The following THNSL1 variants were observed in gnomAD, a reference collection of about 807,000 sequenced individuals.
THNSL1 encodes threonine synthase like 1.
THNSL1 carries 48 observed loss-of-function variants against 50.4 expected under a neutral mutation model. The ratio of observed to expected loss-of-function variants is 0.95; its 90% CI spans 0.76 to 1.21. The LOEUF (loss-of-function observed/expected upper bound fraction) is 1.21, where lower values mean the gene tolerates loss of function less well. THNSL1 is among the 50% of genes most tolerant of loss of function. The pLI is 0.00. For missense variants in THNSL1, 896 were observed against 871.7 expected, an observed-to-expected ratio of 1.03 and a Z score of -0.35; for synonymous variants, 309 against 306.1, an observed-to-expected ratio of 1.01 and a Z score of -0.10.
the THNSL1 span, among the ~76,000 whole-genome samples, chr10:25,005,643 A>G: frequency 6.6e-6 from 1 of 152,240 alleles, no homozygotes; most frequent in East Asian, 1.9e-4. Context: ...GTACACAGAT[A>G]TCCCTTAAGT....
Position 25,023,206 on chromosome 10 carries a change from C to T in THNSL1, c.-18C>T. On this transcript the variant is annotated 5_prime_UTR_variant, in exon 3 of 3. Transcript: ENST00000376356. ...AAGCCAATTTTTAGGTTGGCTTGGG[C>T]AGAAAAGTGAAAAGAGAATGCTCCA... The T allele has an allele frequency of 1.9e-6, 3 of 1,591,054 alleles. No individual in the cohort carries two copies. The highest frequency in any genetic ancestry group is 8.6e-7 in the Non-Finnish European group (1 of 1,168,760).
chr10:25,023,946 C>T lies in THNSL1; in HGVS notation c.723C>T (p.Asp241=). ...CAACAAGACACGTTTGGCCTGAAGA[C>T]TGTGAACAGAAGGTTTCAGCAAAAT... ...FISTRHVWPE[D]CEQKVSAKFF... Residue 241 remains aspartate, a synonymous_variant, in exon 3 of 3, where the codon GAC becomes GAT. Transcript: ENST00000376356. The T allele has an allele frequency of 1.9e-6, 3 of 1,614,206 alleles. No individual in the cohort carries two copies. Among genetic ancestry groups the T allele is most frequent in the Non-Finnish European group, 2.5e-6 (3 of 1,180,020 alleles).
In THNSL1 at chr10:25,021,885, C is replaced by T. The variant is rs1176802172; in HGVS notation, c.-72C>T. 3 of 152,148 alleles carry T rather than the reference C, an allele frequency of 2.0e-5. No homozygotes were observed. Among genetic ancestry groups the T allele is most frequent in the Non-Finnish European group, 4.4e-5 (3 of 68,018 alleles). The allele number at this position is 152,148 out of a possible 1,614,324, so 9.4% of individuals were successfully genotyped here. ...AGTCAAATAAGGAAATGAATTACCT[C>T]CCTTGACGGCTCTAATTTTACTTGT... is the stretch of plus-strand genomic sequence containing the variant. On this transcript the variant is annotated 5_prime_UTR_variant, in exon 2 of 3. Transcript: ENST00000376356.
chr10:25,019,681 C>G (rs1455828415), intron 1 of THNSL1, among the ~76,000 whole-genome samples: 2 of 152,182 alleles, frequency 1.3e-5, no homozygotes, highest in Non-Finnish European at 2.9e-5. Flanking sequence ...GCAGATTTTT[C>G]TCACTCTAAA....
At chr10:24,955,579 G>A in the THNSL1 span, among the ~76,000 whole-genome samples, 9 of 152,174 alleles carry the variant, frequency 5.9e-5, no homozygotes, top group African/African-American at 2.4e-5. Flanking sequence ...TTATTAACCT[G>A]ACATGCTGTA....
the THNSL1 span, among the ~76,000 whole-genome samples, chr10:24,986,497 C>T: frequency 6.6e-6 from 1 of 152,222 alleles, no homozygotes; most frequent in Non-Finnish European, 1.5e-5. Flanking sequence ...TTCTATTTCT[C>T]CACAGCCTTT....
At chr10:25,000,479 G>A in the THNSL1 span, among the ~76,000 whole-genome samples, 1 of 152,048 alleles carries the variant, frequency 6.6e-6, no homozygotes, top group African/African-American at 2.4e-5. Flanking sequence ...TTTGCTTTAT[G>A]TATTTTGAAA....
rs746597463 is a variant in THNSL1 at position 25,026,483 on chromosome 10, A to G, written c.*1028A>G. The G allele has an allele frequency of 1.4e-4, 23 of 167,106 alleles. No individual in the cohort carries two copies. Among genetic ancestry groups the G allele is most frequent in the Non-Finnish European group, 3.1e-4 (21 of 68,134 alleles). 10.4% of individuals were successfully genotyped at this position (167,106 alleles called of 1,614,324 possible). A position where few individuals can be genotyped will look rare whatever the true frequency, so the allele number is the denominator to read the frequency against. On this transcript the variant is annotated 3_prime_UTR_variant, in exon 3 of 3. Coordinates refer to ENST00000376356, the MANE Select transcript of THNSL1 (RefSeq NM_024838.5). ...AGTTTCCCTATATTATTTGGAGTCAATTCTTACGTAATTTGTTGTTTATTT... is the reference window on the plus strand; with the variant it reads ...AGTTTCCCTATATTATTTGGAGTCAGTTCTTACGTAATTTGTTGTTTATTT...
chr10:25,006,299 C>T, the THNSL1 span, among the ~76,000 whole-genome samples: 5 of 152,006 alleles, frequency 3.3e-5, no homozygotes, highest in African/African-American at 4.8e-5. Flanking sequence ...TGTAGAAGTG[C>T]GGCTGAAATC....
chr10:24,984,355 G>A, the THNSL1 span: 5 of 1,532,126 alleles, frequency 3.3e-6, no homozygotes, highest in Admixed American at 5.4e-5. Context: ...AGTTTTCAAA[G>A]TTGTGCTGTT....
upstream of THNSL1, among the ~76,000 whole-genome samples, chr10:25,014,594 ACT>A (rs1271891344): frequency 5.9e-5 from 9 of 152,140 alleles, no homozygotes; most frequent in Admixed American, 2.0e-4. Flanking sequence ...TAATAAAATA[ACT>A]CTCAAATTCA....
Position 25,023,615 on chromosome 10 carries a change from T to A in THNSL1, c.392T>A (p.Leu131His). The A allele has an allele frequency of 6.2e-7, 1 of 1,614,172 alleles. No individual in the cohort carries two copies. The highest frequency in any genetic ancestry group is 8.5e-7 in the Non-Finnish European group (1 of 1,180,018). The change falls in exon 3 of 3, where the codon CTT (leucine) becomes CAT (histidine). Residue 131 changes from leucine (L) to histidine (H), a missense_variant. Transcript: ENST00000376356. Reference sequence around the variant, plus strand: ...TCTGCATCTGGAAGTGTGATTTCCCTTACTGGGTCCAATCCAATGCATGAT... The same window carrying A: ...TCTGCATCTGGAAGTGTGATTTCCCATACTGGGTCCAATCCAATGCATGAT... Reference protein sequence around the residue: ...NFSASGSVISLTGSNPMHDAS... With the variant: ...NFSASGSVISHTGSNPMHDAS...
chr10:24,988,332 A>G, the THNSL1 span, among the ~76,000 whole-genome samples: 3 of 144,932 alleles, frequency 2.1e-5, no homozygotes, highest in Non-Finnish European at 3.0e-5. Context: ...ATATTTATAT[A>G]TGTGTATATA....
chr10:25,023,867 A>G lies in THNSL1; in HGVS notation c.644A>G (p.Lys215Arg), dbSNP rs1436719336. ...GCTTCCCCAGAGGAGGTAGCTGACAAAGTGCTGAATGCAATTAAAAGATAC... is the reference window on the plus strand; with the variant it reads ...GCTTCCCCAGAGGAGGTAGCTGACAGAGTGCTGAATGCAATTAAAAGATAC... ...SGASPEEVAD[K>R]VLNAIKRYQD... is the part of the protein sequence containing the mutation. The change falls in exon 3 of 3, where the codon AAA becomes AGA. Residue 215 changes from lysine to arginine, a missense_variant. Transcript: ENST00000376356. The G allele has an allele frequency of 2.5e-6, 4 of 1,614,202 alleles. No individual in the cohort carries two copies. The highest frequency in any genetic ancestry group is 3.4e-6 in the Non-Finnish European group (4 of 1,180,016).
chr10:24,969,183 C>T, the THNSL1 span, among the ~76,000 whole-genome samples: 47 of 152,286 alleles, frequency 3.1e-4, no homozygotes, highest in Middle Eastern at 0.01. Flanking sequence ...AATGAGCCAC[C>T]GCGCCCGGCC....
the THNSL1 span, among the ~76,000 whole-genome samples, chr10:24,956,204 G>A: frequency 6.6e-5 from 10 of 151,670 alleles, no homozygotes; most frequent in Admixed American, 2.0e-4. Context: ...ATTGCATGTC[G>A]CAGGGGTTAG....
upstream of THNSL1, among the ~76,000 whole-genome samples, chr10:25,011,861 G>A (rs1850453381): frequency 1.3e-5 from 2 of 152,214 alleles, no homozygotes. Flanking sequence ...TGCATAAGGA[G>A]AAGCCAAATG....
chr10:25,006,228 G>A, the THNSL1 span, among the ~76,000 whole-genome samples: 1 of 152,014 alleles, frequency 6.6e-6, no homozygotes, highest in Non-Finnish European at 1.5e-5. Context: ...TTATGTTATC[G>A]TACTGGAACA....
the THNSL1 span, among the ~76,000 whole-genome samples, chr10:24,992,094 G>A: frequency 1.3e-3 from 191 of 152,306 alleles, 1 homozygote; most frequent in Non-Finnish European, 2.4e-3. Flanking sequence ...TAGTAAATGC[G>A]TTTGATTTCA....
Sources: allele counts gnomAD v4.1 joint callset (sites outside exome capture counted in the v4.1 genomes callset), GRCh38; gene constraint gnomAD v4.1.1; transcripts MANE v1.5; gene names NCBI Gene and HGNC (gene_info 2026-07-23, HGNC 2026-07-21).